Variants in SCAPER observed in about 807,000 individuals in gnomAD.
The protein encoded by SCAPER is S-phase cyclin A associated protein in the ER.
A neutral mutation model predicts 182.2 loss-of-function variants in SCAPER; 98 were observed. The observed-to-expected ratio is 0.54, with a 90% CI of 0.46 to 0.64. SCAPER has a LOEUF of 0.64. Ranked by LOEUF, SCAPER falls within the 30% of genes least tolerant of loss-of-function variation. The pLI, the probability that SCAPER is intolerant of heterozygous loss-of-function variation, is 0.00. For synonymous variants in SCAPER, 605 were observed against 564.6 expected, an observed-to-expected ratio of 1.07 and a Z score of -1.01; for missense variants, 1,432 against 1,690.0, an observed-to-expected ratio of 0.85 and a Z score of 2.68.
At chr15:76,721,714 T>C (rs1233364991) in intron 17 of SCAPER, among the ~76,000 whole-genome samples, 1 of 152,086 alleles carries the variant, frequency 6.6e-6, no homozygotes, top group East Asian at 1.9e-4. Flanking sequence ...CACTCATGAT[T>C]TGGCTCTCTG....
At position 76,765,045 on chromosome 15, in the gene SCAPER, A is replaced by G; in HGVS notation, c.1641T>C (p.His547=). 1 of 1,593,352 alleles carries G rather than the reference A, an allele frequency of 6.3e-7. No individual in the cohort carries two copies. The highest frequency in any genetic ancestry group is 8.5e-7 in the Non-Finnish European group (1 of 1,169,928). ...KRTIAESKKK[H]EEKQMKAQQL... is the part of the protein sequence containing the mutation. ...GCTGTGCTTTCATTTGTTTTTCTTC[A>G]TGTTTCTTCTTAGATTCTGCAATTG... Residue 547 remains histidine, a synonymous_variant, in exon 14 of 32, where the codon CAT becomes CAC. Transcript: ENST00000563290.
chr15:76,639,933 G>C (rs2146361637), intron 21 of SCAPER, among the ~76,000 whole-genome samples: 1 of 152,264 alleles, frequency 6.6e-6, no homozygotes, highest in South Asian at 2.1e-4. Context: ...CAATATCATA[G>C]TATTTTAATA....
At chr15:76,472,961 C>T (rs141714075) in intron 24 of SCAPER, among the ~76,000 whole-genome samples, 64 of 152,294 alleles carry the variant, frequency 4.2e-4, no homozygotes, top group African/African-American at 1.4e-3. Context: ...GGCCCTGACC[C>T]TCCAGTAATT....
intron 8 of SCAPER, among the ~76,000 whole-genome samples, chr15:76,781,036 T>C (rs555236458): frequency 1.3e-5 from 2 of 152,278 alleles, no homozygotes; most frequent in Non-Finnish European, 1.5e-5. Flanking sequence ...GGAGGATGAC[T>C]TTGACGAGTT....
chr15:76,731,019 C>T (rs925585857), intron 16 of SCAPER, among the ~76,000 whole-genome samples: 5 of 152,108 alleles, frequency 3.3e-5, no homozygotes, highest in African/African-American at 1.2e-4. Flanking sequence ...AATTCAGCTA[C>T]CATTTCCCAA....
At chr15:76,612,310 T>C (rs1297255448) in intron 22 of SCAPER, among the ~76,000 whole-genome samples, 1 of 152,170 alleles carries the variant, frequency 6.6e-6, no homozygotes, top group Non-Finnish European at 1.5e-5. Context: ...CAATTTCGGC[T>C]CACTGCAGCC....
At chr15:76,590,957 T>C (rs1190459207) in intron 22 of SCAPER, among the ~76,000 whole-genome samples, 1 of 152,216 alleles carries the variant, frequency 6.6e-6, no homozygotes, top group Non-Finnish European at 1.5e-5. Context: ...CTGCATCTTC[T>C]TTCTTCTAAG....
At chr15:76,781,245 C>T (rs996521017) in intron 8 of SCAPER, among the ~76,000 whole-genome samples, 1 of 152,050 alleles carries the variant, frequency 6.6e-6, no homozygotes, top group Non-Finnish European at 1.5e-5. Flanking sequence ...GATGCATGCA[C>T]AAGCTTCAAT....
intron 17 of SCAPER, among the ~76,000 whole-genome samples, chr15:76,707,584 A>G (rs1013315671): frequency 6.6e-6 from 1 of 152,158 alleles, no homozygotes; most frequent in Non-Finnish European, 1.5e-5. Flanking sequence ...AATTACATGA[A>G]ACTAGCAGTA....
At chr15:76,534,946 ATTT>A (rs2044005905) in intron 23 of SCAPER, among the ~76,000 whole-genome samples, 1 of 152,160 alleles carries the variant, frequency 6.6e-6, no homozygotes, top group African/African-American at 2.4e-5. Context: ...GAACAAATAT[ATTT>A]TTATTTCTAA....
intron 26 of SCAPER, among the ~76,000 whole-genome samples, chr15:76,433,300 G>C (rs577321741): frequency 2.0e-5 from 3 of 152,162 alleles, no homozygotes; most frequent in Non-Finnish European, 4.4e-5. Flanking sequence ...TTGTGGTCAA[G>C]AGTTTGAGAC....
intron 27 of SCAPER, among the ~76,000 whole-genome samples, chr15:76,385,610 CA>C (rs1332289285): frequency 6.6e-6 from 1 of 152,144 alleles, no homozygotes; most frequent in Non-Finnish European, 1.5e-5. Flanking sequence ...TATTTCTCAG[CA>C]GTATCCCAGT....
intron 24 of SCAPER, among the ~76,000 whole-genome samples, chr15:76,486,092 A>G (rs552409235): frequency 6.6e-6 from 1 of 152,250 alleles, no homozygotes; most frequent in Non-Finnish European, 1.5e-5. Flanking sequence ...CTGTAGTTCC[A>G]GCTACTTGTG....
chr15:76,753,843 C>T lies in SCAPER; in HGVS notation c.1831G>A (p.Ala611Thr). ...AEFKREVQLQ[A>T]IVKKAQEEEA... is the part of the protein sequence containing the mutation. Reference sequence around the variant, plus strand: ...TCTTCTTGTGCTTTTTTCACAATTGCTTGTAACTGCACTTCTCGCTTAAAC... The same window carrying T: ...TCTTCTTGTGCTTTTTTCACAATTGTTTGTAACTGCACTTCTCGCTTAAAC... The change falls in exon 15 of 32, where the codon GCA (alanine) becomes ACA (threonine). Residue 611 changes from alanine to threonine, a missense_variant. Ala to Thr is a moderately conservative substitution (Grantham distance 58). Coordinates refer to ENST00000563290, the MANE Select transcript of SCAPER (RefSeq NM_020843.4). 1.2e-6 allele frequency: 2 copies of T among 1,612,830 alleles called. No homozygotes were observed. The highest frequency in any genetic ancestry group is 1.7e-6 in the Non-Finnish European group (2 of 1,179,172).
At chr15:76,508,315 C>T (rs1226240103) in intron 23 of SCAPER, among the ~76,000 whole-genome samples, 3 of 152,068 alleles carry the variant, frequency 2.0e-5, no homozygotes, top group African/African-American at 4.8e-5. Flanking sequence ...TGTTTCACTG[C>T]TGGTTGACAT....
intron 21 of SCAPER, among the ~76,000 whole-genome samples, chr15:76,642,623 G>A (rs758742411): frequency 2.6e-5 from 4 of 151,972 alleles, no homozygotes; most frequent in Admixed American, 6.6e-5. Context: ...TACCAGCAAC[G>A]CACAGATGGC....
intron 29 of SCAPER, among the ~76,000 whole-genome samples, chr15:76,362,976 T>C (rs548272967): frequency 1.3e-5 from 2 of 152,326 alleles, no homozygotes; most frequent in South Asian, 4.1e-4. Flanking sequence ...TTTTTATTAG[T>C]TGTTTTTTAC....
At chr15:76,480,868 C>T (rs1035262547) in intron 24 of SCAPER, among the ~76,000 whole-genome samples, 7 of 151,930 alleles carry the variant, frequency 4.6e-5, no homozygotes, top group East Asian at 3.9e-4. Flanking sequence ...GTAGCTGGGA[C>T]GACAGGCGCC....
At chr15:76,620,119 C>CT (rs1177005672) in intron 22 of SCAPER, among the ~76,000 whole-genome samples, 1 of 151,950 alleles carries the variant, frequency 6.6e-6, no homozygotes, top group Admixed American at 6.6e-5. Flanking sequence ...TATTTTACTT[C>CT]TTTTTATTGC....
Sources: allele counts gnomAD v4.1 joint callset (sites outside exome capture counted in the v4.1 genomes callset), GRCh38; gene constraint gnomAD v4.1.1; transcripts MANE v1.5; gene names NCBI Gene and HGNC (gene_info 2026-07-23, HGNC 2026-07-21).